Variants in ZNF865 observed in about 807,000 individuals in gnomAD.
The protein encoded by ZNF865 is zinc finger protein 865.
For missense variants in ZNF865, 1,311 were observed against 1,593.4 expected, an observed-to-expected ratio of 0.82 and a Z score of 3.02; for synonymous variants, 763 against 750.8, an observed-to-expected ratio of 1.02 and a Z score of -0.27.
At position 55,615,811 on chromosome 19, in the gene ZNF865, C is replaced by A; in HGVS notation, c.2193C>A (p.Pro731=). Residue 731 remains proline, a synonymous_variant, in exon 2 of 2, where the codon CCC becomes CCA. Coordinates refer to ENST00000568956, the MANE Select transcript of ZNF865 (RefSeq NM_001195605.2). ...CCGAGCGCCTGCTCCCGCCCGCACC[C>A]GGCGGCCTGCAGCCCCCGGACGGCT... is the stretch of plus-strand genomic sequence containing the variant. The part of the protein sequence containing the change: ...AAPERLLPPA[P]GGLQPPDGSS... 1.3e-6 allele frequency: 2 copies of A among 1,509,430 alleles called. No individual in the cohort carries two copies. The highest frequency in any genetic ancestry group is 1.8e-6 in the Non-Finnish European group (2 of 1,135,154). 93.5% of individuals were successfully genotyped at this position (1,509,430 alleles called of 1,614,324 possible). A position where few individuals can be genotyped will look rare whatever the true frequency, so the allele number is the denominator to read the frequency against.
chr19:55,610,487 C>T (rs1568524649), intron 1 of ZNF865, among the ~76,000 whole-genome samples: 2 of 152,224 alleles, frequency 1.3e-5, no homozygotes, highest in South Asian at 4.1e-4. Flanking sequence ...TGTCGAACTC[C>T]TAACCTCAGG....
chr19:55,616,797 GAC>G lies in ZNF865; in HGVS notation c.3180_*1del. ...GGCACCTTGGCCGGGAAGGATGCCT[GAC>G]CGAGGGGTTCCCATCCCACTCCCAT... On this transcript the variant is annotated stop_lost and 3_prime_UTR_variant, in exon 2 of 2. Coordinates refer to ENST00000568956, the MANE Select transcript of ZNF865 (RefSeq NM_001195605.2). 1 of 1,441,336 alleles carries G rather than the reference GAC, an allele frequency of 6.9e-7. No individual in the cohort carries two copies. The highest frequency in any genetic ancestry group is 9.1e-7 in the Non-Finnish European group (1 of 1,102,578). 89.3% of individuals were successfully genotyped at this position (1,441,336 alleles called of 1,614,324 possible).
Position 55,613,939 on chromosome 19 carries a change from C to CTCGTCGTCATCTTCGTCCTCT in ZNF865, c.324_344dup (p.Ser111_Ser117dup). The stretch of plus-strand genomic sequence containing the variant: ...CCTCCTCCTCCTCCTCTTCGTCCTC[C>CTCGTCGTCATCTTCGTCCTCT]TCGTCGTCATCTTCGTCCTCTTCCT... On this transcript the variant is annotated inframe_insertion, in exon 2 of 2. Coordinates refer to ENST00000568956, the MANE Select transcript of ZNF865 (RefSeq NM_001195605.2). 1 of 1,533,186 alleles carries CTCGTCGTCATCTTCGTCCTCT rather than the reference C, an allele frequency of 6.5e-7. No individual in the cohort carries two copies. Among genetic ancestry groups the CTCGTCGTCATCTTCGTCCTCT allele is most frequent in the Non-Finnish European group, 8.7e-7 (1 of 1,145,090 alleles). The allele number at this position is 1,533,186 out of a possible 1,614,324, so 95.0% of individuals were successfully genotyped here.
chr19:55,614,491 C>T lies in ZNF865; in HGVS notation c.873C>T (p.Leu291=). The change falls in exon 2 of 2, where the codon CTC becomes CTT. Residue 291 remains leucine (L), a synonymous_variant. Coordinates refer to ENST00000568956, the MANE Select transcript of ZNF865 (RefSeq NM_001195605.2). This position sits in a 1 kb window ranked among gnomAD's most constrained non-coding sequence, Gnocchi z 8.0. ...GCCCGCCCCAGCCCGGCCCCCACCT[C>T]CCGCCGCTGGGCCTCCCAGCACCCG... ...AGGPPQPGPH[L]PPLGLPAPAA... is the part of the protein sequence containing the mutation. 7.3e-7 allele frequency: 1 copy of T among 1,361,018 alleles called. No individual in the cohort carries two copies. Among genetic ancestry groups the T allele is most frequent in the Non-Finnish European group, 9.4e-7 (1 of 1,060,834 alleles). 84.3% of individuals were successfully genotyped at this position (1,361,018 alleles called of 1,614,324 possible). A position where few individuals can be genotyped will look rare whatever the true frequency, so the allele number is the denominator to read the frequency against.
intron 1 of ZNF865, among the ~76,000 whole-genome samples, chr19:55,606,411 C>T (rs907811336): frequency 5.3e-5 from 8 of 152,222 alleles, no homozygotes; most frequent in Non-Finnish European, 1.2e-4. Flanking sequence ...CTCACATCCT[C>T]TCCCGCCTCA....
chr19:55,614,936 G>A lies in ZNF865; in HGVS notation c.1318G>A (p.Val440Met), dbSNP rs1240004696. ...AGAGAGGPRPVYPCDLCGKSY... is the reference protein window; with the variant it reads ...AGAGAGGPRPMYPCDLCGKSY... The stretch of plus-strand genomic sequence containing the variant: ...GGCGGGCGCCGGGGGGCCTCGGCCC[G>A]TGTACCCCTGCGACCTGTGCGGCAA... Residue 440 changes from valine (V) to methionine (M), a missense_variant, in exon 2 of 2, where the codon GTG becomes ATG. Coordinates refer to ENST00000568956, the MANE Select transcript of ZNF865 (RefSeq NM_001195605.2). The surrounding 1 kb of genome is among the most constrained non-coding windows in gnomAD (Gnocchi z 8.0). 1.2e-5 allele frequency: 18 copies of A among 1,485,434 alleles called. No individual in the cohort carries two copies. Among genetic ancestry groups the A allele is most frequent in the Non-Finnish European group, 1.5e-5 (17 of 1,124,154 alleles). The allele number at this position is 1,485,434 out of a possible 1,614,324, so 92.0% of individuals were successfully genotyped here.
chr19:55,614,642 G>A lies in ZNF865; in HGVS notation c.1024G>A (p.Ala342Thr). 2 of 1,534,438 alleles carry A rather than the reference G, an allele frequency of 1.3e-6. No homozygotes were observed. The highest frequency in any genetic ancestry group is 1.7e-6 in the Non-Finnish European group (2 of 1,147,042). The change falls in exon 2 of 2, where the codon GCC (alanine) becomes ACC (threonine). Residue 342 changes from alanine (A) to threonine (T), a missense_variant. Ala to Thr is a moderately conservative substitution (Grantham distance 58). Transcript: ENST00000568956. This position sits in a 1 kb window ranked among gnomAD's most constrained non-coding sequence, Gnocchi z 8.0. ...TGCTGGTGTTGGGGTGCCCCCTCCT[G>A]CCACCGGGGGTGGCGATGGCCCGTT... ...APAGVGVPPP[A>T]TGGGDGPFAC...
At chr19:55,609,606 T>G (rs912962255) in intron 1 of ZNF865, among the ~76,000 whole-genome samples, 9 of 152,236 alleles carry the variant, frequency 5.9e-5, no homozygotes, top group African/African-American at 2.2e-4. Flanking sequence ...CTTTCCTCTT[T>G]ATTGGCCACA....
At chr19:55,610,903 TGTAGGCA>T (rs1478245393) in intron 1 of ZNF865, among the ~76,000 whole-genome samples, 5 of 152,116 alleles carry the variant, frequency 3.3e-5, no homozygotes, top group African/African-American at 1.2e-4. Context: ...CGAAGAACAC[TGTAGGCA>T]GAAGAGAAAG....
intron 1 of ZNF865, among the ~76,000 whole-genome samples, chr19:55,606,104 C>T (rs768467833): frequency 2.4e-4 from 37 of 152,118 alleles, no homozygotes; most frequent in Non-Finnish European, 5.1e-4. Context: ...GGCAGCTGCT[C>T]GTGAACCCTC....
chr19:55,616,055 G>T lies in ZNF865; in HGVS notation c.2437G>T (p.Val813Leu). 6.6e-6 allele frequency: 10 copies of T among 1,516,958 alleles called. No individual in the cohort carries two copies. The highest frequency in any genetic ancestry group is 1.4e-5 in the African/African-American group (1 of 71,612). The allele number at this position is 1,516,958 out of a possible 1,614,324, so 94.0% of individuals were successfully genotyped here. ...CCTGGGCCTCGTGACTCACAAGTAC[G>T]TGCACCTGGTGCGACGGACCCTGGG... ...HFLGLVTHKY[V>L]HLVRRTLGCG... The change falls in exon 2 of 2, where the codon GTG (valine) becomes TTG (leucine). Residue 813 changes from valine (V) to leucine (L), a missense_variant. Physicochemically the swap from Val to Leu is conservative, Grantham distance 32. Transcript: ENST00000568956.
Position 55,615,209 on chromosome 19 carries a change from G to C in ZNF865, c.1591G>C (p.Gly531Arg). ...CCTGGGCGCCCACCCGCTGCTGCTCGGCGGCGCGGGGACCAGCGGGGCGGG... is the reference window on the plus strand; with the variant it reads ...CCTGGGCGCCCACCCGCTGCTGCTCCGCGGCGCGGGGACCAGCGGGGCGGG... ...PLLGAHPLLL[G>R]GAGTSGAGGS... Residue 531 changes from glycine to arginine, a missense_variant, in exon 2 of 2, where the codon GGC becomes CGC. Gly to Arg is a moderately radical substitution (Grantham distance 125). Coordinates refer to ENST00000568956, the MANE Select transcript of ZNF865 (RefSeq NM_001195605.2). The C allele has an allele frequency of 4.2e-6, 6 of 1,443,454 alleles. No individual in the cohort carries two copies. The highest frequency in any genetic ancestry group is 5.4e-6 in the Non-Finnish European group (6 of 1,109,694). 89.4% of individuals were successfully genotyped at this position (1,443,454 alleles called of 1,614,324 possible). A position where few individuals can be genotyped will look rare whatever the true frequency, so the allele number is the denominator to read the frequency against.
Sources: allele counts gnomAD v4.1 joint callset (sites outside exome capture counted in the v4.1 genomes callset), GRCh38; gene constraint gnomAD v4.1.1; non-coding constraint Gnocchi (gnomAD v3.1); transcripts MANE v1.5; gene names NCBI Gene and HGNC (gene_info 2026-07-23, HGNC 2026-07-21).